Variants in GRIP1 observed in about 807,000 individuals in gnomAD.
The protein encoded by GRIP1 is glutamate receptor interacting protein 1, also known as glutamate receptor-interacting protein 1.
GRIP1 carries 45 observed loss-of-function variants against 129.9 expected under a neutral mutation model. The observed-to-expected ratio is 0.35, with a 90% CI of 0.27 to 0.44. GRIP1 has a LOEUF of 0.44. Among genes scored for constraint, GRIP1 ranks in the 20% least tolerant of loss-of-function variants. The pLI is 1.00. For missense variants in GRIP1, 1,196 were observed against 1,396.8 expected, an observed-to-expected ratio of 0.86 and a Z score of 2.29; for synonymous variants, 530 against 520.8, an observed-to-expected ratio of 1.02 and a Z score of -0.24.
chr12:66,829,951 G>C (rs1170875535), intron 1 of GRIP1, among the ~76,000 whole-genome samples: 1 of 152,184 alleles, frequency 6.6e-6, no homozygotes, highest in Non-Finnish European at 1.5e-5. Context: ...CTTGTCCAAA[G>C]TAAAACAGGC....
intron 19 of GRIP1, among the ~76,000 whole-genome samples, chr12:66,381,546 A>T (rs2056109406): frequency 6.6e-6 from 1 of 152,234 alleles, no homozygotes; most frequent in South Asian, 2.1e-4. Flanking sequence ...CAAAGAGCCA[A>T]TGCTAATTGG....
At chr12:66,686,984 C>T (rs955622505) in intron 1 of GRIP1, among the ~76,000 whole-genome samples, 10 of 152,132 alleles carry the variant, frequency 6.6e-5, no homozygotes, top group African/African-American at 2.4e-4. Flanking sequence ...ATTGCTTGAG[C>T]CCAGGAGGTT....
At chr12:66,494,362 A>G (rs1006661787) in intron 7 of GRIP1, among the ~76,000 whole-genome samples, 2 of 152,242 alleles carry the variant, frequency 1.3e-5, no homozygotes, top group Admixed American at 6.5e-5. Flanking sequence ...TTTAGAATAT[A>G]TAAAGTCACA....
chr12:66,577,114 G>A (rs2063163983), intron 2 of GRIP1, among the ~76,000 whole-genome samples: 1 of 152,114 alleles, frequency 6.6e-6, no homozygotes, highest in Non-Finnish European at 1.5e-5. Flanking sequence ...TGTTCTATAA[G>A]GCAGAACCGG....
At chr12:66,683,550 A>G (rs1408643133), upstream of GRIP1, among the ~76,000 whole-genome samples, 1 of 152,196 alleles carries the variant, frequency 6.6e-6, no homozygotes, top group African/African-American at 2.4e-5. Context: ...CCCTTTAGGA[A>G]GTGTCATTAG....
chr12:67,016,660 T>TA (rs2042792517), intron 1 of GRIP1, among the ~76,000 whole-genome samples: 1 of 152,142 alleles, frequency 6.6e-6, no homozygotes, highest in African/African-American at 2.4e-5. Flanking sequence ...GAACTTCCAC[T>TA]AAAAAAGCGA....
intron 1 of GRIP1, among the ~76,000 whole-genome samples, chr12:67,006,311 T>C (rs2042625605): frequency 6.6e-6 from 1 of 152,126 alleles, no homozygotes; most frequent in Admixed American, 6.6e-5. Flanking sequence ...AAGCCTGTAA[T>C]ACCAGCACTT....
intron 1 of GRIP1, among the ~76,000 whole-genome samples, chr12:66,758,263 A>G (rs190909992): frequency 1.3e-5 from 2 of 152,322 alleles, no homozygotes; most frequent in African/African-American, 2.4e-5. Flanking sequence ...GGCAGCAGCA[A>G]GAGAAAAATG....
chr12:66,528,286 C>T (rs1436322407), intron 5 of GRIP1, among the ~76,000 whole-genome samples: 1 of 151,956 alleles, frequency 6.6e-6, no homozygotes, highest in Non-Finnish European at 1.5e-5. Flanking sequence ...AGGCGCCTGC[C>T]ACCACGCCCG....
At chr12:66,971,168 G>A (rs2042070874) in intron 1 of GRIP1, among the ~76,000 whole-genome samples, 1 of 152,146 alleles carries the variant, frequency 6.6e-6, no homozygotes, top group African/African-American at 2.4e-5. Context: ...AGTTGCTTCT[G>A]CTGTAGGTAA....
intron 1 of GRIP1, among the ~76,000 whole-genome samples, chr12:67,009,832 T>A (rs1253009071): frequency 2.0e-5 from 3 of 152,220 alleles, no homozygotes; most frequent in Admixed American, 1.3e-4. Context: ...TAAGCTGCAT[T>A]TGGAGTCCAC....
At chr12:66,780,312 G>A (rs1383107) in intron 1 of GRIP1, among the ~76,000 whole-genome samples, 7,459 of 152,242 alleles carry the variant, frequency 0.049, 330 homozygotes, top group East Asian at 0.17. Flanking sequence ...ATAGTCAGCA[G>A]GTGTTCACTA....
chr12:66,966,185 G>A (rs573262961), intron 1 of GRIP1, among the ~76,000 whole-genome samples: 48 of 152,214 alleles, frequency 3.2e-4, no homozygotes, highest in African/African-American at 1.1e-3. Flanking sequence ...TGAGTAGCAT[G>A]AATACCAAAA....
intron 1 of GRIP1, among the ~76,000 whole-genome samples, chr12:66,957,329 T>C (rs942242796): frequency 6.6e-6 from 1 of 151,996 alleles, no homozygotes; most frequent in African/African-American, 2.4e-5. Flanking sequence ...GATCTCAGAC[T>C]TGTCACAATT....
intron 1 of GRIP1, among the ~76,000 whole-genome samples, chr12:66,747,505 A>AAAAC (rs1471603155): frequency 6.6e-6 from 1 of 152,194 alleles, no homozygotes; most frequent in African/African-American, 2.4e-5. Context: ...ATTGGGATGA[A>AAAAC]AAACATAGGT....
At chr12:66,651,041 A>G (rs1198578466) in intron 1 of GRIP1, among the ~76,000 whole-genome samples, 1 of 152,220 alleles carries the variant, frequency 6.6e-6, no homozygotes, top group Non-Finnish European at 1.5e-5. Flanking sequence ...GTACTACTGT[A>G]CACAGTTAGT....
At chr12:66,470,681 C>A (rs1200005045) in intron 7 of GRIP1, among the ~76,000 whole-genome samples, 1 of 152,166 alleles carries the variant, frequency 6.6e-6, no homozygotes, top group Non-Finnish European at 1.5e-5. Context: ...GTAGAGTATG[C>A]TGTTTAAGTC....
intron 7 of GRIP1, among the ~76,000 whole-genome samples, chr12:66,499,264 C>G (rs925099210): frequency 2.6e-5 from 4 of 152,144 alleles, no homozygotes; most frequent in Non-Finnish European, 4.4e-5. Flanking sequence ...CATCACAGCC[C>G]TTTCAGTCTT....
intron 2 of GRIP1, among the ~76,000 whole-genome samples, chr12:66,564,941 G>A (rs950592043): frequency 3.3e-5 from 5 of 152,220 alleles, no homozygotes; most frequent in African/African-American, 1.2e-4. Context: ...AGAAGTGTCT[G>A]TTCACACCCT....
Sources: gnomAD v4.1 joint callset for allele counts (sites outside exome capture counted in the v4.1 genomes callset) on GRCh38, gnomAD v4.1.1 for gene constraint, MANE v1.5 for transcripts, NCBI Gene and HGNC (gene_info 2026-07-23, HGNC 2026-07-21) for gene names.